The following KIAA1549 variants were observed in gnomAD, a reference collection of about 807,000 sequenced individuals.
KIAA1549 encodes the protein UPF0606 protein KIAA1549.
A neutral mutation model predicts 156.4 loss-of-function variants in KIAA1549; 70 were observed. The observed-to-expected ratio is 0.45, with a 90% CI of 0.37 to 0.55. The LOEUF is 0.55. KIAA1549 is among the 20% of genes least tolerant of loss of function. KIAA1549 has a pLI of 0.00. For synonymous variants in KIAA1549, 1,103 were observed against 1,066.4 expected, an observed-to-expected ratio of 1.03 and a Z score of -0.67; for missense variants, 2,428 against 2,540.9, an observed-to-expected ratio of 0.96 and a Z score of 0.96.
intron 1 of KIAA1549, among the ~76,000 whole-genome samples, chr7:138,926,966 C>T (rs1228409949): frequency 6.6e-6 from 1 of 152,154 alleles, no homozygotes; most frequent in Non-Finnish European, 1.5e-5. Context: ...TTAAATTAGG[C>T]ATTTCTCAAA....
intron 5 of KIAA1549, among the ~76,000 whole-genome samples, chr7:138,907,900 A>G (rs1005982037): frequency 2.0e-5 from 3 of 152,182 alleles, no homozygotes; most frequent in Non-Finnish European, 4.4e-5. Context: ...GACACACACT[A>G]AAGTGCCCCA....
At chr7:138,879,843 T>C (rs887082615) in intron 11 of KIAA1549, among the ~76,000 whole-genome samples, 190 bp from the exon 12 acceptor site, 1 of 152,216 alleles carries the variant, frequency 6.6e-6, no homozygotes, top group Non-Finnish European at 1.5e-5. Flanking sequence ...TGAAGACAGA[T>C]TAACACGGCT....
At chr7:138,971,029 G>C (rs760408889) in intron 1 of KIAA1549, among the ~76,000 whole-genome samples, 2 of 152,176 alleles carry the variant, frequency 1.3e-5, no homozygotes, top group Non-Finnish European at 2.9e-5. Flanking sequence ...CTAGGAGTGA[G>C]GAGCCCTCCC....
At chr7:138,839,088 G>A (rs531836510) in intron 19 of KIAA1549, among the ~76,000 whole-genome samples, 2 of 152,208 alleles carry the variant, frequency 1.3e-5, no homozygotes, top group Admixed American at 1.3e-4. Context: ...AAGAGAAATG[G>A]CAGCAAACTT....
chr7:138,864,004 G>A (rs1810661950), intron 15 of KIAA1549, among the ~76,000 whole-genome samples: 1 of 152,188 alleles, frequency 6.6e-6, no homozygotes, highest in East Asian at 1.9e-4. Context: ...TTGAGGAGCA[G>A]ATGAGGAAGC....
intron 8 of KIAA1549, among the ~76,000 whole-genome samples, chr7:138,903,029 G>C (rs550962295): frequency 1.8e-4 from 27 of 152,006 alleles, no homozygotes; most frequent in Non-Finnish European, 3.8e-4. Context: ...TCTCTAATTG[G>C]CTATGTAATT....
In KIAA1549 at chr7:138,874,033, AT is replaced by A. The variant is rs576831588; in HGVS notation, c.4346-2672del. Among the ~76,000 whole-genome samples, 369 of 148,118 alleles carry A rather than the reference AT, an allele frequency of 2.5e-3. 3 individuals are homozygous for A. Among genetic ancestry groups the A allele is most frequent in the African/African-American group, 8.8e-3 (359 of 40,784 alleles). ...CTGTATATGTAATATATAATTAGTA[AT>A]TAGTAATATATTACTATTAGTAATT... On this transcript the variant is annotated intron_variant, in intron 12 of 19. Coordinates refer to ENST00000422774, the MANE Select transcript of KIAA1549 (RefSeq NM_001164665.2).
chr7:138,871,501 G>A (rs749307129), intron 12 of KIAA1549, 139 bp from the exon 13 acceptor site: 3 of 647,804 alleles, frequency 4.6e-6, no homozygotes, highest in Non-Finnish European at 7.5e-6. Flanking sequence ...GTAGCAGAGT[G>A]TTTACAATTT....
At chr7:138,914,936 A>G (rs191974426) in intron 2 of KIAA1549, among the ~76,000 whole-genome samples, 75 of 152,308 alleles carry the variant, frequency 4.9e-4, no homozygotes, top group Non-Finnish European at 8.8e-4. Flanking sequence ...CTTACAACTG[A>G]CCACTTTGTA....
At chr7:138,954,095 C>T (rs1028314234) in intron 1 of KIAA1549, among the ~76,000 whole-genome samples, 4 of 152,094 alleles carry the variant, frequency 2.6e-5, no homozygotes, top group Non-Finnish European at 5.9e-5. Context: ...AGGATATACG[C>T]ACAAGAAGTT....
intron 17 of KIAA1549, among the ~76,000 whole-genome samples, chr7:138,850,274 G>A (rs10244004): frequency 1.1e-4 from 16 of 151,964 alleles, no homozygotes; most frequent in Non-Finnish European, 1.8e-4. Context: ...TTGAGGAATC[G>A]CCACACTGCC....
At chr7:138,899,916 G>A (rs946299585) in intron 8 of KIAA1549, among the ~76,000 whole-genome samples, 9 of 152,128 alleles carry the variant, frequency 5.9e-5, no homozygotes, top group East Asian at 5.8e-4. Context: ...TTGACATATC[G>A]TACCTTTTCA....
intron 1 of KIAA1549, among the ~76,000 whole-genome samples, chr7:138,928,157 G>A (rs948510139): frequency 4.0e-5 from 6 of 151,892 alleles, no homozygotes; most frequent in Non-Finnish European, 8.8e-5. Flanking sequence ...TCCTGACCTC[G>A]TGATCCGCCT....
chr7:138,849,583 CA>C (rs1350549915), intron 17 of KIAA1549, among the ~76,000 whole-genome samples: 1 of 150,754 alleles, frequency 6.6e-6, no homozygotes, highest in African/African-American at 2.4e-5. Flanking sequence ...ATTTTAGGTT[CA>C]GGGGTACATG....
Position 138,837,469 on chromosome 7 carries a change from A to C in KIAA1549, c.*437T>G. On this transcript the variant is annotated 3_prime_UTR_variant, in exon 20 of 20. Transcript: ENST00000422774. ...AAAGAGAAAAATTAAGCTGTTAATA[A>C]AATGTCTTCAAACCTCTTCTCAGAA... 1 of 262,824 alleles carries C rather than the reference A, an allele frequency of 3.8e-6. No homozygotes were observed. Among genetic ancestry groups the C allele is most frequent in the Admixed American group, 5.1e-5 (1 of 19,688 alleles). 16.3% of individuals were successfully genotyped at this position (262,824 alleles called of 1,614,324 possible). A position where few individuals can be genotyped will look rare whatever the true frequency, so the allele number is the denominator to read the frequency against.
chr7:138,898,484 G>A (rs1203778116), intron 9 of KIAA1549, among the ~76,000 whole-genome samples: 1 of 152,032 alleles, frequency 6.6e-6, no homozygotes, highest in Non-Finnish European at 1.5e-5. Context: ...ACTGAAAAGG[G>A]GAAGGATCAA....
chr7:138,972,087 A>G (rs1269095693), intron 1 of KIAA1549, among the ~76,000 whole-genome samples: 1 of 152,144 alleles, frequency 6.6e-6, no homozygotes, highest in Admixed American at 6.5e-5. Context: ...GCGATGGTAC[A>G]GCAGAAACAT....
At position 138,919,022 on chromosome 7, in the gene KIAA1549, A is replaced by T. The variant is rs1381566378; in HGVS notation, c.604T>A (p.Ser202Thr). 4 of 1,613,938 alleles carry T rather than the reference A, an allele frequency of 2.5e-6. No homozygotes were observed. The highest frequency in any genetic ancestry group is 1.7e-5 in the Admixed American group (1 of 60,010). ...GATGTCACTTCTTCATCTTGTAAAG[A>T]AACCATGGGTAATGATGGAGTGAGC... ...PMLTPSLPMV[S>T]LQDEEVTSGW... is the part of the protein sequence containing the mutation. The change falls in exon 2 of 20, where the codon TCT becomes ACT. Residue 202 changes from serine to threonine, a missense_variant. Around this residue, in one of 5 missense-constraint regions of KIAA1549, gnomAD observed 893 missense variants for 847.9 expected, o/e 1.05. Coordinates refer to ENST00000422774, the MANE Select transcript of KIAA1549 (RefSeq NM_001164665.2).
At chr7:138,924,184 T>TC (rs1474544772) in intron 1 of KIAA1549, among the ~76,000 whole-genome samples, 5 of 102,368 alleles carry the variant, frequency 4.9e-5, no homozygotes, top group African/African-American at 2.3e-4. Flanking sequence ...TTTCTTTTCT[T>TC]TTTTTTTTTT....
Sources: allele counts gnomAD v4.1 joint callset (sites outside exome capture counted in the v4.1 genomes callset), GRCh38; gene constraint gnomAD v4.1.1; regional missense constraint gnomAD v4.1.1; transcripts MANE v1.5; gene names NCBI Gene and HGNC (gene_info 2026-07-23, HGNC 2026-07-21).